Variants in SUSD4 observed in about 807,000 individuals in gnomAD.
SUSD4 encodes sushi domain containing 4.
A neutral mutation model predicts 50.5 loss-of-function variants in SUSD4; 41 were observed. That is an observed-to-expected ratio of 0.81 (90% CI 0.63 to 1.05). SUSD4 has a LOEUF of 1.05. Among genes scored for constraint, SUSD4 ranks in the 50% least tolerant of loss-of-function variants. The pLI is 0.00. For missense variants in SUSD4, 580 were observed against 634.7 expected (o/e 0.91, Z 0.93); for synonymous variants, 257 against 257.3 (o/e 1.00, Z 0.01).
chr1:223,276,821 G>C (rs1051882074), intron 3 of SUSD4, among the ~76,000 whole-genome samples: 4 of 152,168 alleles, frequency 2.6e-5, no homozygotes, highest in African/African-American at 9.7e-5. Flanking sequence ...GCAAATACTT[G>C]CCCTTGTGGG....
chr1:223,342,681 G>A lies in SUSD4; in HGVS notation c.148+20597C>T, dbSNP rs146521500. ...GATAGACTATTCAATAAATACTGTT[G>A]GTACAATTGGCTAACCATCTGGATA... On this transcript the variant is annotated intron_variant, in intron 2 of 8. Coordinates refer to ENST00000366878, the MANE Select transcript of SUSD4 (RefSeq NM_017982.4). Among the ~76,000 whole-genome samples the A allele has an allele frequency of 7.2e-5, 11 of 152,190 alleles. No individual in the cohort carries two copies. In the East Asian group the frequency reaches 2.1e-3, roughly 29 times the overall value.
intron 4 of SUSD4, 105 bp from the exon 5 acceptor site, chr1:223,264,923 G>T: frequency 8.5e-7 from 1 of 1,178,032 alleles, no homozygotes; most frequent in Non-Finnish European, 1.2e-6. Context: ...CACCTCTGAA[G>T]GTGAAAATGG....
At chr1:223,272,928 A>G (rs1040105205) in intron 3 of SUSD4, among the ~76,000 whole-genome samples, 3 of 152,202 alleles carry the variant, frequency 2.0e-5, no homozygotes, top group Admixed American at 1.3e-4. Flanking sequence ...TGGGCAAATT[A>G]ACAGCTAAAG....
chr1:223,225,630 C>T (rs1659468783), intron 7 of SUSD4, among the ~76,000 whole-genome samples: 1 of 152,214 alleles, frequency 6.6e-6, no homozygotes, highest in African/African-American at 2.4e-5. Context: ...CCGGCCACTT[C>T]ACTGTCTTGT....
chr1:223,280,231 TAAC>T (rs1663605746), intron 3 of SUSD4, among the ~76,000 whole-genome samples: 1 of 152,080 alleles, frequency 6.6e-6, no homozygotes, highest in South Asian at 2.1e-4. Flanking sequence ...AATTCACACA[TAAC>T]AATATTAACC....
intron 5 of SUSD4, among the ~76,000 whole-genome samples, chr1:223,247,109 C>T (rs1660989082): frequency 6.6e-6 from 1 of 152,168 alleles, no homozygotes; most frequent in African/African-American, 2.4e-5. Context: ...CCCGGGTGTT[C>T]TTCATGTAGG....
Position 223,227,448 on chromosome 1 carries a change from C to T in SUSD4, c.1061+146G>A. On this transcript the variant is annotated intron_variant, in intron 7 of 8. Transcript: ENST00000366878. This position sits in a 1 kb window ranked among gnomAD's most constrained non-coding sequence, Gnocchi z 4.5. ...AATGAGGTCTGTCTCCAGCTTTGTG[C>T]TCAAAACATCCCAGAACATTGTTTT... 3.5e-6 allele frequency: 4 copies of T among 1,142,464 alleles called. No individual in the cohort carries two copies. Among genetic ancestry groups the T allele is most frequent in the Non-Finnish European group, 4.9e-6 (4 of 821,386 alleles). The allele number at this position is 1,142,464 out of a possible 1,614,324, so 70.8% of individuals were successfully genotyped here.
At chr1:223,363,117 G>A (rs986736386) in intron 2 of SUSD4, among the ~76,000 whole-genome samples, 161 bp downstream of exon 2, 1 of 152,278 alleles carries the variant, frequency 6.6e-6, no homozygotes, top group South Asian at 2.1e-4. Flanking sequence ...CAGCGGTTTC[G>A]GAGAAGGGCG....
At position 223,332,610 on chromosome 1, in the gene SUSD4, C is replaced by A. The variant is rs1667235224; in HGVS notation, c.148+30668G>T. On this transcript the variant is annotated intron_variant, in intron 2 of 8. Coordinates refer to ENST00000366878, the MANE Select transcript of SUSD4 (RefSeq NM_017982.4). This position sits in a 1 kb window ranked among gnomAD's most constrained non-coding sequence, Gnocchi z 4.0. ...AGACGTAAAAAATACATCTCAGGCACTGAAACATGGCCTGACCACACTGTA... is the reference window on the plus strand; with the variant it reads ...AGACGTAAAAAATACATCTCAGGCAATGAAACATGGCCTGACCACACTGTA... Among the ~76,000 whole-genome samples, 1 of 152,208 alleles carries A rather than the reference C, an allele frequency of 6.6e-6. No homozygotes were observed. Among genetic ancestry groups the A allele is most frequent in the African/African-American group, 2.4e-5 (1 of 41,456 alleles).
At chr1:223,317,857 T>TTTTTTTTTTTTTTTTTTTTCTTTTTTC (rs1666310435) in intron 2 of SUSD4, among the ~76,000 whole-genome samples, 1 of 142,014 alleles carries the variant, frequency 7.0e-6, no homozygotes, top group African/African-American at 2.6e-5. Context: ...TTTTCTTTTT[T>TTTTTTTTTTTTTTTTTTTTCTTTTTTC]TTTTTTTTTT....
intron 2 of SUSD4, among the ~76,000 whole-genome samples, chr1:223,340,169 A>G (rs1035336530): frequency 5.3e-5 from 8 of 152,226 alleles, no homozygotes; most frequent in African/African-American, 1.9e-4. Flanking sequence ...AGCACCCTGA[A>G]AAAAGCAGAA....
At chr1:223,288,350 C>T (rs138229345) in intron 3 of SUSD4, among the ~76,000 whole-genome samples, 1,636 of 152,272 alleles carry the variant, frequency 0.011, 8 homozygotes, top group Non-Finnish European at 0.017. Flanking sequence ...CCTGAGGCCT[C>T]CCCAGCCATG....
intron 5 of SUSD4, among the ~76,000 whole-genome samples, chr1:223,246,284 A>G (rs1479916954): frequency 6.6e-6 from 1 of 152,104 alleles, no homozygotes; most frequent in African/African-American, 2.4e-5. Flanking sequence ...AAGAGTGGCC[A>G]TTGGATTTGG....
chr1:223,326,103 C>T lies in SUSD4; in HGVS notation c.149-33452G>A, dbSNP rs1043567785. Among the ~76,000 whole-genome samples the T allele has an allele frequency of 2.0e-5, 3 of 152,162 alleles. No individual in the cohort carries two copies. The East Asian group carries it at 5.8e-4, about 29-fold the overall frequency. ...TAACATTACCAGACCTCAAATTATA[C>T]TACAAGGGTGTAGTTACCAAAACAG... On this transcript the variant is annotated intron_variant, in intron 2 of 8. Coordinates refer to ENST00000366878, the MANE Select transcript of SUSD4 (RefSeq NM_017982.4).
At chr1:223,288,139 C>T (rs1664262209) in intron 3 of SUSD4, among the ~76,000 whole-genome samples, 1 of 152,110 alleles carries the variant, frequency 6.6e-6, no homozygotes, top group Non-Finnish European at 1.5e-5. Context: ...ATTGTAATCC[C>T]CATGTGTTGA....
intron 8 of SUSD4, among the ~76,000 whole-genome samples, chr1:223,222,439 C>T (rs1308360934): frequency 6.6e-6 from 1 of 152,120 alleles, no homozygotes; most frequent in African/African-American, 2.4e-5. Context: ...GATCTTATTT[C>T]CAGTTCATAA....
At chr1:223,251,216 C>T (rs1661283852) in intron 5 of SUSD4, among the ~76,000 whole-genome samples, 1 of 152,182 alleles carries the variant, frequency 6.6e-6, no homozygotes, top group African/African-American at 2.4e-5. Context: ...CATGGTTCTG[C>T]AGGCTGTACC....
intron 5 of SUSD4, among the ~76,000 whole-genome samples, chr1:223,262,640 C>T (rs1257683570): frequency 3.3e-5 from 5 of 152,142 alleles, no homozygotes; most frequent in Non-Finnish European, 7.4e-5. Context: ...TCTATCAAGT[C>T]TTGAAAGAAA....
At chr1:223,268,210 T>C (rs1455207893) in intron 4 of SUSD4, among the ~76,000 whole-genome samples, 1 of 151,858 alleles carries the variant, frequency 6.6e-6, no homozygotes, top group African/African-American at 2.4e-5. Flanking sequence ...AAACTACTTT[T>C]GATATTTTGG....
Sources: allele counts gnomAD v4.1 joint callset (sites outside exome capture counted in the v4.1 genomes callset), GRCh38; gene constraint gnomAD v4.1.1; non-coding constraint Gnocchi (gnomAD v3.1); transcripts MANE v1.5; gene names NCBI Gene and HGNC (gene_info 2026-07-23, HGNC 2026-07-21).